Variants in CD226 observed in about 807,000 individuals in gnomAD.
The protein encoded by CD226 is CD226 antigen.
In CD226, 24 loss-of-function variants were observed where a neutral mutation model predicts 34.9. The observed-to-expected ratio is 0.69, with a 90% CI of 0.50 to 0.97. The LOEUF is 0.97. CD226 is among the 50% of genes least tolerant of loss of function. The pLI, the probability that CD226 is intolerant of heterozygous loss-of-function variation, is 0.00. For synonymous variants in CD226, 148 were observed against 147.4 expected, an observed-to-expected ratio of 1.00 and a Z score of -0.03; for missense variants, 397 against 412.7, an observed-to-expected ratio of 0.96 and a Z score of 0.33.
chr18:69,879,385 C>T (rs1427145437), intron 3 of CD226, among the ~76,000 whole-genome samples: 1 of 152,044 alleles, frequency 6.6e-6, no homozygotes, highest in Non-Finnish European at 1.5e-5. Context: ...GGCTCTCCTC[C>T]CCCCAGGAAA....
chr18:69,935,756 A>G (rs563044425), intron 2 of CD226, among the ~76,000 whole-genome samples: 5 of 152,340 alleles, frequency 3.3e-5, no homozygotes, highest in Non-Finnish European at 5.9e-5. Flanking sequence ...TCACAGGAGA[A>G]TCAGTGTCCG....
intron 2 of CD226, among the ~76,000 whole-genome samples, chr18:69,925,349 A>T (rs2055508228): frequency 6.6e-6 from 1 of 152,252 alleles, no homozygotes; most frequent in South Asian, 2.1e-4. Context: ...ATCTCTGCAA[A>T]GAAAAAGAAT....
intron 4 of CD226, among the ~76,000 whole-genome samples, chr18:69,867,736 C>G (rs1266895332): frequency 6.6e-6 from 1 of 152,182 alleles, no homozygotes; most frequent in East Asian, 1.9e-4. Context: ...AATAACCTCA[C>G]ATTTAAGACA....
intron 2 of CD226, among the ~76,000 whole-genome samples, chr18:69,912,858 ATC>A (rs1338792305): frequency 2.6e-5 from 4 of 152,004 alleles, no homozygotes; most frequent in Non-Finnish European, 5.9e-5. Context: ...TTTGGATCTA[ATC>A]ACTTGTAACA....
chr18:69,941,691 G>A (rs1277247581), intron 2 of CD226, among the ~76,000 whole-genome samples: 10 of 152,146 alleles, frequency 6.6e-5, no homozygotes, highest in African/African-American at 1.2e-4. Flanking sequence ...GCTCATAGGC[G>A]GAAGGTACTT....
chr18:69,917,878 A>C (rs1411106955), intron 2 of CD226, among the ~76,000 whole-genome samples: 1 of 152,228 alleles, frequency 6.6e-6, no homozygotes, highest in Non-Finnish European at 1.5e-5. Context: ...ATAGTGAAGG[A>C]AAATGAGTGG....
Position 69,946,847 on chromosome 18 carries a change from T to C in CD226, c.269A>G (p.Asn90Ser), listed in dbSNP as rs1167785518. The C allele has an allele frequency of 6.2e-7, 1 of 1,614,162 alleles. No individual in the cohort carries two copies. The highest frequency in any genetic ancestry group is 2.2e-5 in the East Asian group (1 of 44,882). The change falls in exon 2 of 6, where the codon AAC becomes AGC. Residue 90 changes from asparagine to serine, a missense_variant. Asn to Ser is a conservative substitution (Grantham distance 46). Transcript: ENST00000582621. Reference sequence around the variant, plus strand: ...GGCATTCCGAAAGAAAAGAGTCATGTTATTGGAAGCCATCGTTGAATTCAA... The same window carrying C: ...GGCATTCCGAAAGAAAAGAGTCATGCTATTGGAAGCCATCGTTGAATTCAA... Reference protein sequence around the residue: ...YFLNSTMASNNMTLFFRNASE... With the variant: ...YFLNSTMASNSMTLFFRNASE...
Position 69,946,965 on chromosome 18 carries a change from A to C in CD226, c.151T>G (p.Phe51Val). 6.2e-7 allele frequency: 1 copy of C among 1,614,126 alleles called. No individual in the cohort carries two copies. Among genetic ancestry groups the C allele is most frequent in the Non-Finnish European group, 8.5e-7 (1 of 1,179,996 alleles). Residue 51 changes from phenylalanine to valine, a missense_variant, in exon 2 of 6, where the codon TTC (phenylalanine) becomes GTC (valine). Physicochemically the swap from Phe to Val is conservative, Grantham distance 50. Coordinates refer to ENST00000582621, the MANE Select transcript of CD226 (RefSeq NM_001303618.2). ...SMGILTQVEWFKIGTQQDSIA... is the reference protein window; with the variant it reads ...SMGILTQVEWVKIGTQQDSIA... ...GAATCCTGCTGGGTCCCGATCTTGA[A>C]CCACTCCACCTGTGTTAAGATGCCC...
At chr18:69,892,118 T>C (rs1984938704) in intron 3 of CD226, among the ~76,000 whole-genome samples, 1 of 152,198 alleles carries the variant, frequency 6.6e-6, no homozygotes, top group African/African-American at 2.4e-5. Flanking sequence ...GCCTGAGTGG[T>C]CTCACTGGTG....
At chr18:69,960,655 G>A (rs919773570), upstream of CD226, among the ~76,000 whole-genome samples, 4 of 152,110 alleles carry the variant, frequency 2.6e-5, no homozygotes, top group Non-Finnish European at 4.4e-5. Flanking sequence ...TTGCCTTCTT[G>A]GCCAGGCTCG....
chr18:69,926,476 C>A (rs2055523149), intron 2 of CD226, among the ~76,000 whole-genome samples: 1 of 152,078 alleles, frequency 6.6e-6, no homozygotes, highest in African/African-American at 2.4e-5. Flanking sequence ...TTATTTCATA[C>A]CATCATGTAA....
At chr18:69,880,612 A>T (rs1435366289) in intron 3 of CD226, among the ~76,000 whole-genome samples, 1 of 152,024 alleles carries the variant, frequency 6.6e-6, no homozygotes, top group African/African-American at 2.4e-5. Flanking sequence ...GTCAAAGAGT[A>T]CAAAATTTCA....
intron 2 of CD226, among the ~76,000 whole-genome samples, chr18:69,906,704 T>C (rs1295677239): frequency 1.3e-5 from 2 of 152,190 alleles, no homozygotes; most frequent in African/African-American, 4.8e-5. Context: ...TTCACGTTCG[T>C]TGTAAGGGAA....
chr18:69,910,047 G>A (rs915552481), intron 2 of CD226, among the ~76,000 whole-genome samples: 5 of 152,240 alleles, frequency 3.3e-5, no homozygotes, highest in African/African-American at 1.2e-4. Context: ...CTGAATGAGA[G>A]TTGAACAGGA....
At chr18:69,874,981 T>C (rs1316135966) in intron 3 of CD226, among the ~76,000 whole-genome samples, 1 of 152,220 alleles carries the variant, frequency 6.6e-6, no homozygotes, top group Non-Finnish European at 1.5e-5. Context: ...ATTCATCTGT[T>C]GATGGACACC....
rs568980115 is a variant in CD226 at position 69,885,041 on chromosome 18, C to T, written c.727+10660G>A. Among the ~76,000 whole-genome samples the T allele has an allele frequency of 7.2e-5, 11 of 152,222 alleles. No homozygotes were observed. The East Asian group carries it at 7.7e-4, about 11-fold the overall frequency. Reference sequence around the variant, plus strand: ...GATTTTGTTTCTAATTATATTTCTCCGGCACACTTTTATTATTACTGTTGT... The same window carrying T: ...GATTTTGTTTCTAATTATATTTCTCTGGCACACTTTTATTATTACTGTTGT... On this transcript the variant is annotated intron_variant, in intron 3 of 5. Transcript: ENST00000582621.
chr18:69,959,429 C>A (rs2055919324), upstream of CD226, among the ~76,000 whole-genome samples: 1 of 152,170 alleles, frequency 6.6e-6, no homozygotes, highest in Admixed American at 6.5e-5. Context: ...AAGCAGGAAA[C>A]AGCAAAAGTC....
At position 69,932,303 on chromosome 18, in the gene CD226, T is replaced by G. The variant is rs530720086; in HGVS notation, c.382+14431A>C. ...AATCTAAAGTCAAAATATCTTAGAA[T>G]AGTGTACATTTGTGACATGACACGA... On this transcript the variant is annotated intron_variant, in intron 2 of 5. Coordinates refer to ENST00000582621, the MANE Select transcript of CD226 (RefSeq NM_001303618.2). Among the ~76,000 whole-genome samples, 142 of 152,342 alleles carry G rather than the reference T, an allele frequency of 9.3e-4. 1 individual carries two copies. The highest frequency in any genetic ancestry group is 1.9e-3 in the Non-Finnish European group (131 of 68,036).
intron 2 of CD226, among the ~76,000 whole-genome samples, chr18:69,943,467 T>A (rs144693393): frequency 2.0e-5 from 3 of 152,356 alleles, no homozygotes; most frequent in African/African-American, 7.2e-5. Flanking sequence ...CAATTGCTAA[T>A]GAAGAAATGC....
Sources: gnomAD v4.1 joint callset for allele counts (sites outside exome capture counted in the v4.1 genomes callset) on GRCh38, gnomAD v4.1.1 for gene constraint, MANE v1.5 for transcripts, NCBI Gene and HGNC (gene_info 2026-07-23, HGNC 2026-07-21) for gene names.